ITGA11: variants seen among roughly 807,000 people sequenced by gnomAD.
The protein encoded by ITGA11 is integrin alpha-11.
A neutral mutation model predicts 141.9 loss-of-function variants in ITGA11; 97 were observed. The observed-to-expected ratio is 0.68, with a 90% CI of 0.58 to 0.81. ITGA11 has a LOEUF of 0.81. ITGA11 is among the 30% of genes least tolerant of loss of function. The pLI, the probability that ITGA11 is intolerant of heterozygous loss-of-function variation, is 0.00. For missense variants in ITGA11, 1,387 were observed against 1,559.2 expected, an observed-to-expected ratio of 0.89 and a Z score of 1.86; for synonymous variants, 658 against 624.6, an observed-to-expected ratio of 1.05 and a Z score of -0.80.
chr15:68,422,254 C>T (rs1395335868), intron 1 of ITGA11, among the ~76,000 whole-genome samples: 3 of 152,126 alleles, frequency 2.0e-5, no homozygotes, highest in Non-Finnish European at 2.9e-5. Context: ...TGAGGGCCAC[C>T]TCCACCTGCC....
At chr15:68,398,779 T>A (rs867850272) in intron 2 of ITGA11, among the ~76,000 whole-genome samples, 37 of 147,396 alleles carry the variant, frequency 2.5e-4, no homozygotes, top group African/African-American at 7.6e-4. Flanking sequence ...TAAAATGAAA[T>A]GAATAGTATA....
intron 1 of ITGA11, among the ~76,000 whole-genome samples, chr15:68,425,335 G>A (rs896177371): frequency 2.0e-5 from 3 of 152,202 alleles, no homozygotes; most frequent in African/African-American, 7.2e-5. Context: ...AAAACAAGGG[G>A]TCTCACATTT....
At chr15:68,414,338 G>GCTAAC (rs1342950279) in intron 1 of ITGA11, among the ~76,000 whole-genome samples, 11 of 152,202 alleles carry the variant, frequency 7.2e-5, no homozygotes, top group African/African-American at 2.7e-4. Flanking sequence ...AGGGCAGAAT[G>GCTAAC]CTAAGGTCAA....
intron 1 of ITGA11, among the ~76,000 whole-genome samples, chr15:68,431,803 C>T (rs796263549): frequency 7.9e-5 from 12 of 152,360 alleles, no homozygotes; most frequent in African/African-American, 2.9e-4. Flanking sequence ...CAAAGAGTCC[C>T]GGCTTTCAAT....
intron 1 of ITGA11, among the ~76,000 whole-genome samples, chr15:68,409,135 T>C (rs927927651): frequency 6.6e-6 from 1 of 152,160 alleles, no homozygotes; most frequent in Non-Finnish European, 1.5e-5. Flanking sequence ...TCACCATGCC[T>C]GGAAGGCCTT....
chr15:68,319,090 C>G (rs1893701484), intron 20 of ITGA11, among the ~76,000 whole-genome samples: 1 of 152,252 alleles, frequency 6.6e-6, no homozygotes, highest in Non-Finnish European at 1.5e-5. Flanking sequence ...GGAGGGCCGC[C>G]TGTGGCCTTG....
chr15:68,350,174 T>C (rs906965404), intron 9 of ITGA11, among the ~76,000 whole-genome samples: 5 of 152,110 alleles, frequency 3.3e-5, no homozygotes, highest in African/African-American at 9.7e-5. Flanking sequence ...AATACTCAAT[T>C]GTTGGCATTT....
At chr15:68,418,174 A>G (rs1252616487) in intron 1 of ITGA11, among the ~76,000 whole-genome samples, 1 of 152,254 alleles carries the variant, frequency 6.6e-6, no homozygotes, top group Non-Finnish European at 1.5e-5. Context: ...AAGAGCCAGA[A>G]TCAGTGTGTC....
chr15:68,319,291 CACT>C (rs1208120161), intron 20 of ITGA11, among the ~76,000 whole-genome samples: 2 of 152,198 alleles, frequency 1.3e-5, no homozygotes, highest in East Asian at 3.8e-4. Flanking sequence ...CCACCACCAC[CACT>C]ACCACCACTA....
At chr15:68,403,246 G>A (rs763775633) in intron 1 of ITGA11, among the ~76,000 whole-genome samples, 16 of 152,164 alleles carry the variant, frequency 1.1e-4, no homozygotes, top group South Asian at 2.1e-4. Flanking sequence ...TTCCACCCCC[G>A]TCCTGGGGGA....
At chr15:68,394,508 G>T (rs1896187392) in intron 2 of ITGA11, among the ~76,000 whole-genome samples, 2 of 151,672 alleles carry the variant, frequency 1.3e-5, no homozygotes, top group South Asian at 4.2e-4. Flanking sequence ...AAGAAAAAGG[G>T]TCAGAAAATC....
At chr15:68,382,621 C>G (rs935325962) in intron 2 of ITGA11, among the ~76,000 whole-genome samples, 3 of 152,246 alleles carry the variant, frequency 2.0e-5, no homozygotes, top group Non-Finnish European at 1.5e-5. Context: ...AAGGCAAGCC[C>G]TACCCTTGGG....
chr15:68,365,869 G>A (rs922513299), intron 3 of ITGA11, among the ~76,000 whole-genome samples: 1 of 152,058 alleles, frequency 6.6e-6, no homozygotes, highest in African/African-American at 2.4e-5. Flanking sequence ...AGGAGGCCTT[G>A]AGCAAGAATG....
chr15:68,334,321 GGAGA>G (rs1216256228), intron 12 of ITGA11, among the ~76,000 whole-genome samples: 1 of 152,218 alleles, frequency 6.6e-6, no homozygotes, highest in Non-Finnish European at 1.5e-5. Context: ...CATGCTGCTA[GGAGA>G]GAGAGTCATC....
intron 12 of ITGA11, among the ~76,000 whole-genome samples, chr15:68,334,036 T>C (rs1404681911): frequency 2.0e-5 from 3 of 152,206 alleles, no homozygotes; most frequent in Non-Finnish European, 4.4e-5. Context: ...GAAGCTATCC[T>C]TGACCTTCTC....
In ITGA11 at chr15:68,317,324, T is replaced by C. The variant is rs747770665; in HGVS notation, c.2656A>G (p.Arg886Gly). 1.2e-6 allele frequency: 2 copies of C among 1,613,604 alleles called. No homozygotes were observed. Among genetic ancestry groups the C allele is most frequent in the Admixed American group, 3.3e-5 (2 of 60,008 alleles). ...TTGCAGACTTGCTTCTGGAGCCTCC[T>C]CTCCTCGTTCACACACTCAATGCTA... is the stretch of plus-strand genomic sequence containing the variant. ...DGSIECVNEERRLQKQVCNVS... is the reference protein window; with the variant it reads ...DGSIECVNEEGRLQKQVCNVS... The change falls in exon 21 of 30, where the codon AGG (arginine) becomes GGG (glycine). Residue 886 changes from arginine (R) to glycine (G), a missense_variant. Arg to Gly is a moderately radical substitution (Grantham distance 125). Transcript: ENST00000315757.
At chr15:68,347,689 TA>T (rs1325968975) in intron 10 of ITGA11, among the ~76,000 whole-genome samples, 1 of 152,112 alleles carries the variant, frequency 6.6e-6, no homozygotes, top group Non-Finnish European at 1.5e-5. Flanking sequence ...AGCACGAGAC[TA>T]ATATTTTTTC....
intron 26 of ITGA11, among the ~76,000 whole-genome samples, chr15:68,310,304 C>T (rs961319804): frequency 5.9e-5 from 9 of 152,152 alleles, no homozygotes; most frequent in Admixed American, 2.0e-4. Context: ...GTGTTGCTGC[C>T]GTGCTGCCCA....
chr15:68,372,551 G>A (rs1421733455), intron 2 of ITGA11, among the ~76,000 whole-genome samples: 3 of 152,228 alleles, frequency 2.0e-5, no homozygotes, highest in Non-Finnish European at 1.5e-5. Context: ...GCAGGGCTTC[G>A]GTGGATGGGA....
Sources: allele counts gnomAD v4.1 joint callset (sites outside exome capture counted in the v4.1 genomes callset), GRCh38; gene constraint gnomAD v4.1.1; transcripts MANE v1.5; gene names NCBI Gene and HGNC (gene_info 2026-07-23, HGNC 2026-07-21).